Variants in HPS4 observed in about 807,000 individuals in gnomAD.
The protein encoded by HPS4 is BLOC-3 complex member HPS4.
Under a neutral mutation model 70.3 loss-of-function variants are expected in HPS4, and 44 were observed. That is an observed-to-expected ratio of 0.63 (90% CI 0.49 to 0.80). The LOEUF (loss-of-function observed/expected upper bound fraction) is 0.80. Ranked by LOEUF, HPS4 falls within the 30% of genes least tolerant of loss-of-function variation. The pLI is 0.00. For synonymous variants in HPS4, 377 were observed against 355.9 expected, an observed-to-expected ratio of 1.06 and a Z score of -0.67; for missense variants, 873 against 884.4, an observed-to-expected ratio of 0.99 and a Z score of 0.16.
chr22:26,478,428 G>A (rs912823931), intron 3 of HPS4, among the ~76,000 whole-genome samples: 6 of 151,900 alleles, frequency 3.9e-5, no homozygotes, highest in South Asian at 2.1e-4. Flanking sequence ...AAAATTAGCC[G>A]GGCGTGGTAG....
chr22:26,457,239 C>T (rs2086315732), intron 13 of HPS4, among the ~76,000 whole-genome samples: 1 of 116,534 alleles, frequency 8.6e-6, no homozygotes, highest in Non-Finnish European at 1.7e-5. Flanking sequence ...TTTTCTGAGA[C>T]GCAGTCTCAC....
At chr22:26,470,645 G>C in intron 7 of HPS4, 74 bp downstream of exon 7, 1 of 1,448,086 alleles carries the variant, frequency 6.9e-7, no homozygotes, top group Admixed American at 1.7e-5. Flanking sequence ...TCCCCACTGT[G>C]ATCTGGAGGT....
At chr22:26,456,908 A>G (rs1417428395) in intron 13 of HPS4, among the ~76,000 whole-genome samples, 1 of 152,240 alleles carries the variant, frequency 6.6e-6, no homozygotes. Context: ...TAAATACTGT[A>G]AATTACAATA....
chr22:26,482,435 C>G (rs2091379201), intron 1 of HPS4, among the ~76,000 whole-genome samples, 195 bp from the exon 2 acceptor site: 1 of 152,174 alleles, frequency 6.6e-6, no homozygotes, highest in Non-Finnish European at 1.5e-5. Context: ...AAACACACCA[C>G]AAGCTTCACG....
intron 10 of HPS4, among the ~76,000 whole-genome samples, chr22:26,465,199 T>G (rs1159895013): frequency 6.6e-6 from 1 of 152,178 alleles, no homozygotes; most frequent in African/African-American, 2.4e-5. Context: ...AAACTGAGGC[T>G]CAGGCAGGGA....
At chr22:26,468,991 C>T (rs1017786977) in intron 7 of HPS4, among the ~76,000 whole-genome samples, 1 of 152,092 alleles carries the variant, frequency 6.6e-6, no homozygotes, top group Non-Finnish European at 1.5e-5. Flanking sequence ...CCATATGAAC[C>T]GGTAAGGAAA....
intron 13 of HPS4, 39 bp from the exon 14 acceptor site, chr22:26,453,443 T>G: frequency 6.2e-7 from 1 of 1,609,952 alleles, no homozygotes; most frequent in Non-Finnish European, 8.5e-7. Context: ...CCAATGCTGC[T>G]GGTGCTAATC....
chr22:26,472,568 G>A (rs369237889), intron 5 of HPS4, 150 bp from the exon 6 acceptor site: 50 of 746,168 alleles, frequency 6.7e-5, no homozygotes, highest in African/African-American at 3.1e-4. Flanking sequence ...ACAGATCCAC[G>A]GCGCCTGCCG....
At chr22:26,468,792 C>T (rs1027011753) in intron 7 of HPS4, among the ~76,000 whole-genome samples, 169 bp from the exon 8 acceptor site, 7 of 152,214 alleles carry the variant, frequency 4.6e-5, no homozygotes, top group Non-Finnish European at 7.3e-5. Context: ...TTCCTACCAA[C>T]ATTTAAAATA....
chr22:26,457,210 CTTTTTT>C (rs1555889771), intron 13 of HPS4, among the ~76,000 whole-genome samples: 3 of 25,584 alleles, frequency 1.2e-4, no homozygotes, highest in East Asian at 2.2e-3. Flanking sequence ...GCACGTATTA[CTTTTTT>C]TTTTTTTTTT....
At position 26,464,137 on chromosome 22, in the gene HPS4, C is replaced by G; in HGVS notation, c.1493G>C (p.Cys498Ser). 1 of 1,614,282 alleles carries G rather than the reference C, an allele frequency of 6.2e-7. No individual in the cohort carries two copies. Among genetic ancestry groups the G allele is most frequent in the Non-Finnish European group, 8.5e-7 (1 of 1,180,054 alleles). ...CAGACCAGGGGCTGCGTGGCTTTCACAGACCCCATCAACATCCTCATCCAG... is the reference window on the plus strand; with the variant it reads ...CAGACCAGGGGCTGCGTGGCTTTCAGAGACCCCATCAACATCCTCATCCAG... ...QGLDEDVDGV[C>S]ESHAAPGLEC... The change falls in exon 11 of 14, where the codon TGT becomes TCT. Residue 498 changes from cysteine (C) to serine (S), a missense_variant. Coordinates refer to ENST00000398145, the MANE Select transcript of HPS4 (RefSeq NM_022081.6).
At chr22:26,462,174 A>T (rs1018568888) in intron 11 of HPS4, among the ~76,000 whole-genome samples, 2 of 152,168 alleles carry the variant, frequency 1.3e-5, no homozygotes, top group East Asian at 3.8e-4. Flanking sequence ...TCTCTTCCAT[A>T]AAACTGCAGT....
chr22:26,477,559 T>C (rs2090721606), intron 3 of HPS4, among the ~76,000 whole-genome samples: 1 of 152,158 alleles, frequency 6.6e-6, no homozygotes, highest in Non-Finnish European at 1.5e-5. Flanking sequence ...TAACCCCAAC[T>C]ATCCATGTCA....
At chr22:26,469,425 G>C (rs1175107948) in intron 7 of HPS4, among the ~76,000 whole-genome samples, 1 of 152,076 alleles carries the variant, frequency 6.6e-6, no homozygotes, top group Non-Finnish European at 1.5e-5. Context: ...TACAGCCTGG[G>C]CAACAAAGCA....
intron 13 of HPS4, chr22:26,454,040 C>T (rs1460612165): frequency 6.5e-6 from 1 of 153,414 alleles, no homozygotes; most frequent in African/African-American, 2.4e-5. Context: ...GGAGCCAACT[C>T]CAGGCCAAGG....
chr22:26,456,591 A>T (rs1209783963), intron 13 of HPS4, among the ~76,000 whole-genome samples: 1 of 152,230 alleles, frequency 6.6e-6, no homozygotes, highest in Non-Finnish European at 1.5e-5. Context: ...ACCAGGAGAC[A>T]GAGGTTGCAA....
chr22:26,463,001 G>A (rs1174021079), intron 11 of HPS4, among the ~76,000 whole-genome samples: 2 of 152,166 alleles, frequency 1.3e-5, no homozygotes, highest in Non-Finnish European at 2.9e-5. Flanking sequence ...AGGGTCACAA[G>A]CCCTGCATGA....
intron 4 of HPS4, among the ~76,000 whole-genome samples, chr22:26,474,129 T>C (rs1193271216): frequency 6.6e-6 from 1 of 152,344 alleles, no homozygotes; most frequent in Admixed American, 6.5e-5. Flanking sequence ...TCCAAAGCTA[T>C]CTTGAGAAAG....
chr22:26,453,370 G>T lies in HPS4; in HGVS notation c.1990C>A (p.Pro664Thr). Reference sequence around the variant, plus strand: ...TGCTGGAAATATGTCTCCTGGATGGGGTTGCAACAGGCGTACACAGCCGTG... The same window carrying T: ...TGCTGGAAATATGTCTCCTGGATGGTGTTGCAACAGGCGTACACAGCCGTG... Reference protein sequence around the residue: ...ASTAVYACCNPIQETYFQQLA... With the variant: ...ASTAVYACCNTIQETYFQQLA... Residue 664 changes from proline to threonine, a missense_variant, in exon 14 of 14, where the codon CCC becomes ACC. By Grantham distance (38) the Pro-to-Thr change is conservative. Transcript: ENST00000398145. The T allele has an allele frequency of 6.2e-7, 1 of 1,614,148 alleles. No individual in the cohort carries two copies. Among genetic ancestry groups the T allele is most frequent in the Non-Finnish European group, 8.5e-7 (1 of 1,180,034 alleles).
Sources: gnomAD v4.1 joint callset for allele counts (sites outside exome capture counted in the v4.1 genomes callset) on GRCh38, gnomAD v4.1.1 for gene constraint, MANE v1.5 for transcripts, NCBI Gene and HGNC (gene_info 2026-07-23, HGNC 2026-07-21) for gene names.